HNRNPC: variants seen among roughly 807,000 people sequenced by gnomAD.
HNRNPC encodes the protein heterogeneous nuclear ribonucleoprotein C.
Under a neutral mutation model 33.2 loss-of-function variants are expected in HNRNPC, and 3 were observed. The ratio of observed to expected loss-of-function variants is 0.09; its 90% CI spans 0.04 to 0.23. The LOEUF (loss-of-function observed/expected upper bound fraction) is 0.23. Ranked by LOEUF, HNRNPC falls within the 10% of genes least tolerant of loss-of-function variation. The pLI, the probability that HNRNPC is intolerant of heterozygous loss-of-function variation, is 1.00. For synonymous variants in HNRNPC, 121 were observed against 126.7 expected (o/e 0.96, Z 0.30); for missense variants, 143 against 366.7 (o/e 0.39, Z 4.98).
At chr14:21,256,659 T>C (rs1305707727) in intron 2 of HNRNPC, among the ~76,000 whole-genome samples, 3 of 147,152 alleles carry the variant, frequency 2.0e-5, no homozygotes, top group African/African-American at 7.3e-5. Flanking sequence ...TTTTCCTTTC[T>C]TTTTTTTGTG....
chr14:21,254,768 T>C (rs1173288178), intron 2 of HNRNPC, among the ~76,000 whole-genome samples: 1 of 151,886 alleles, frequency 6.6e-6, no homozygotes, highest in Non-Finnish European at 1.5e-5. Flanking sequence ...TAGCCAGGCG[T>C]GGTGGCAGGC....
chr14:21,246,137 T>A (rs1304085141), intron 2 of HNRNPC, among the ~76,000 whole-genome samples: 1 of 152,018 alleles, frequency 6.6e-6, no homozygotes, highest in Non-Finnish European at 1.5e-5. Flanking sequence ...TCCATTATAA[T>A]CTTAAGGGGC....
chr14:21,211,551 T>C lies in HNRNPC; in HGVS notation c.653A>G (p.Asp218Gly), dbSNP rs200789242. 4 of 1,600,784 alleles carry C rather than the reference T, an allele frequency of 2.5e-6. No homozygotes were observed. The highest frequency in any genetic ancestry group is 1.1e-5 in the South Asian group (1 of 89,490). ...GCTGCTCTGCTCCTCTTCTGACTTA[T>C]CATTCTTCATCTCTACTGCGGATGA... is the stretch of plus-strand genomic sequence containing the variant. ...QSKQAVEMKN[D>G]KSEEEQSSSS... Residue 218 changes from aspartate (D) to glycine (G), a missense_variant, in exon 8 of 9, where the codon GAT becomes GGT. Transcript: ENST00000553300.
intron 2 of HNRNPC, chr14:21,254,451 C>G (rs971740127): frequency 1.3e-5 from 2 of 152,118 alleles, no homozygotes; most frequent in Non-Finnish European, 2.9e-5. Flanking sequence ...TGGAAGAACA[C>G]CCCAAATGTT....
chr14:21,229,528 T>C (rs1364787216), intron 5 of HNRNPC, among the ~76,000 whole-genome samples: 1 of 152,226 alleles, frequency 6.6e-6, no homozygotes, highest in African/African-American at 2.4e-5. Context: ...TCTTCTGGCC[T>C]TCTAATGACT....
chr14:21,230,217 T>A (rs893520713), intron 5 of HNRNPC, 102 bp downstream of exon 5: 2 of 731,234 alleles, frequency 2.7e-6, no homozygotes, highest in Non-Finnish European at 4.6e-6. Context: ...GTTAGGGGAG[T>A]ATGTTTGAAA....
chr14:21,227,178 C>T (rs755629577), intron 5 of HNRNPC, among the ~76,000 whole-genome samples: 2 of 151,852 alleles, frequency 1.3e-5, no homozygotes, highest in Admixed American at 6.6e-5. Context: ...CAGCAAAAAA[C>T]TCCTGTATCT....
intron 2 of HNRNPC, among the ~76,000 whole-genome samples, chr14:21,250,775 C>T (rs553822417): frequency 6.6e-6 from 1 of 152,198 alleles, no homozygotes; most frequent in South Asian, 2.1e-4. Flanking sequence ...AAAAGTCCAC[C>T]GAAATTTGTA....
chr14:21,236,287 A>G (rs1469164895), intron 2 of HNRNPC: 1 of 152,210 alleles, frequency 6.6e-6, no homozygotes, highest in Non-Finnish European at 1.5e-5. Flanking sequence ...TAAATTTGCT[A>G]CAAAAATCAT....
chr14:21,231,191 G>T, intron 3 of HNRNPC, 119 bp from the exon 4 acceptor site: 1 of 966,554 alleles, frequency 1.0e-6, no homozygotes, highest in Non-Finnish European at 1.6e-6. Context: ...CTGGAGTGCA[G>T]TGGTGTCACC....
At chr14:21,241,257 CAAAAA>C (rs56033944) in intron 2 of HNRNPC, among the ~76,000 whole-genome samples, 5 of 94,032 alleles carry the variant, frequency 5.3e-5, no homozygotes, top group African/African-American at 9.9e-5. Context: ...GACTATGTCT[CAAAAA>C]AAAAAAAAAA....
rs1209770082 is a variant in HNRNPC, at chr14:21,230,302, A to G, written c.365+17T>C. ...CTAAATAGCTGTTTAGCAGAAATAC[A>G]AAACATTTTAACATACCTATCATAA... On this transcript the variant is annotated intron_variant, in intron 5 of 8. Transcript: ENST00000553300. The G allele has an allele frequency of 6.4e-7, 1 of 1,572,082 alleles. No homozygotes were observed. Among genetic ancestry groups the G allele is most frequent in the Non-Finnish European group, 8.7e-7 (1 of 1,143,492 alleles).
chr14:21,228,412 G>A (rs1233901705), intron 5 of HNRNPC, among the ~76,000 whole-genome samples: 1 of 152,062 alleles, frequency 6.6e-6, no homozygotes, highest in Non-Finnish European at 1.5e-5. Flanking sequence ...TATTTTTTGA[G>A]AAGGAGTCTC....
chr14:21,231,137 T>C (rs1029107210), intron 3 of HNRNPC, 65 bp from the exon 4 acceptor site: 3 of 1,466,476 alleles, frequency 2.0e-6, no homozygotes, highest in Non-Finnish European at 1.9e-6. Context: ...CTACAAAGTT[T>C]ATTTTTTTTA....
intron 5 of HNRNPC, among the ~76,000 whole-genome samples, chr14:21,224,224 C>T (rs185977763): frequency 4.9e-4 from 75 of 152,252 alleles, no homozygotes; most frequent in African/African-American, 1.7e-3. Flanking sequence ...TAATCCAAAG[C>T]CTCAGGCTTT....
At chr14:21,217,132 C>T (rs1211947899) in intron 5 of HNRNPC, among the ~76,000 whole-genome samples, 1 of 152,206 alleles carries the variant, frequency 6.6e-6, no homozygotes, top group African/African-American at 2.4e-5. Flanking sequence ...ACAAAGAATG[C>T]TGCTCAGGCA....
chr14:21,212,056 C>T lies in HNRNPC; in HGVS notation c.524-133G>A, dbSNP rs147726137. 1.9e-3 allele frequency: 1,270 copies of T among 684,730 alleles called. 10 individuals carry two copies. In the African/African-American group the frequency reaches 0.019, roughly 10 times the overall value. The allele number at this position is 684,730 out of a possible 1,614,324, so 42.4% of individuals were successfully genotyped here. On this transcript the variant is annotated intron_variant, in intron 6 of 8. Coordinates refer to ENST00000553300, the MANE Select transcript of HNRNPC (RefSeq NM_004500.4). ...AGAAACAGAGCCAGTACAGATTTCT[C>T]GGTAATAAAGGCCCTTGGTTCTATT...
At chr14:21,243,344 A>C (rs1895580499) in intron 2 of HNRNPC, among the ~76,000 whole-genome samples, 1 of 152,168 alleles carries the variant, frequency 6.6e-6, no homozygotes, top group Admixed American at 6.5e-5. Context: ...AAACTTTGAA[A>C]TCATTCAGGA....
At chr14:21,232,460 C>T (rs777106123) in intron 3 of HNRNPC, among the ~76,000 whole-genome samples, 3 of 152,122 alleles carry the variant, frequency 2.0e-5, no homozygotes, top group Non-Finnish European at 1.5e-5. Context: ...ACCTCCACCT[C>T]CCGGGTTCAA....
Sources: allele counts gnomAD v4.1 joint callset (sites outside exome capture counted in the v4.1 genomes callset), GRCh38; gene constraint gnomAD v4.1.1; transcripts MANE v1.5; gene names NCBI Gene and HGNC (gene_info 2026-07-23, HGNC 2026-07-21).